The following NPM1 variants were observed in gnomAD, a reference collection of about 807,000 sequenced individuals.
NPM1 encodes nucleophosmin 1, also known as nucleophosmin.
In NPM1, 1 loss-of-function variant was observed where a neutral mutation model predicts 44.1. The observed-to-expected ratio is 0.02, with a 90% CI of 0.01 to 0.11. The LOEUF is 0.11. NPM1 is among the 10% of genes least tolerant of loss of function. NPM1 has a pLI of 1.00. For missense variants in NPM1, 197 were observed against 347.8 expected (o/e 0.57, Z 3.45); for synonymous variants, 126 against 111.8 (o/e 1.13, Z -0.80).
At chr5:171,398,963 G>C (rs1175920701) in intron 6 of NPM1, among the ~76,000 whole-genome samples, 2 of 151,432 alleles carry the variant, frequency 1.3e-5, no homozygotes, top group African/African-American at 4.9e-5. Flanking sequence ...GGTTCCTCCT[G>C]CTTCAGCTTC....
At chr5:171,396,816 G>A (rs1413417444) in intron 6 of NPM1, among the ~76,000 whole-genome samples, 4 of 152,102 alleles carry the variant, frequency 2.6e-5, no homozygotes, top group Admixed American at 2.6e-4. Context: ...CCCCGTCTCT[G>A]CTAACATACA....
chr5:171,387,716 G>T, upstream of NPM1: 3 of 575,686 alleles, frequency 5.2e-6, no homozygotes, highest in South Asian at 6.3e-5. Context: ...AAAGGAGTGG[G>T]GTTGAAAAGC....
chr5:171,407,079 T>C (rs1247368339), intron 9 of NPM1: 1 of 152,826 alleles, frequency 6.5e-6, no homozygotes. Flanking sequence ...AAGGAAATGG[T>C]GAGAGTGATT....
intron 9 of NPM1, 82 bp downstream of exon 9, chr5:171,405,485 G>A (rs1771515050): frequency 4.3e-6 from 3 of 700,960 alleles, no homozygotes; most frequent in East Asian, 2.7e-5. Context: ...AATGTTTCTT[G>A]TTTTTTTGTT....
At position 171,388,005 on chromosome 5, in the gene NPM1, C is replaced by T; in HGVS notation, c.57C>T (p.Phe19=). 7.1e-7 allele frequency: 1 copy of T among 1,401,930 alleles called. No individual in the cohort carries two copies. The highest frequency in any genetic ancestry group is 9.6e-7 in the Non-Finnish European group (1 of 1,046,470). The allele number at this position is 1,401,930 out of a possible 1,614,324, so 86.8% of individuals were successfully genotyped here. A position where few individuals can be genotyped will look rare whatever the true frequency, so the allele number is the denominator to read the frequency against. ...MSPLRPQNYL[F]GCELKADKDY... ...CCCTGAGGCCCCAGAACTATCTTTT[C>T]GGTAACTGCTGGGGGGAGCTGGAGC... The change falls in exon 1 of 11, where the codon TTC becomes TTT. Residue 19 remains phenylalanine (F), a splice_region_variant and synonymous_variant. Coordinates refer to ENST00000296930, the MANE Select transcript of NPM1 (RefSeq NM_002520.7).
rs1355825386 is a variant in NPM1, at chr5:171,404,078, C to T, written c.670-1224C>T. ...CTCCCGGACGGGGCGGCTGGCCGGGCGGGGGGCTGACCCCCCCACCTCCCT... is the reference window on the plus strand; with the variant it reads ...CTCCCGGACGGGGCGGCTGGCCGGGTGGGGGGCTGACCCCCCCACCTCCCT... On this transcript the variant is annotated intron_variant, in intron 8 of 10. Coordinates refer to ENST00000296930, the MANE Select transcript of NPM1 (RefSeq NM_002520.7). Among the ~76,000 whole-genome samples the T allele has an allele frequency of 1.2e-4, 8 of 65,626 alleles. 1 individual carries two copies. In the South Asian group the frequency reaches 2.1e-3, roughly 17 times the overall value. 43.1% of individuals were successfully genotyped at this position (65,626 alleles called of 152,430 possible). A position where few individuals can be genotyped will look rare whatever the true frequency, so the allele number is the denominator to read the frequency against.
Position 171,390,036 on chromosome 5 carries a change from T to G in NPM1, c.59-15T>G. 1 of 1,539,052 alleles carries G rather than the reference T, an allele frequency of 6.5e-7. No homozygotes were observed. Among genetic ancestry groups the G allele is most frequent in the East Asian group, 2.3e-5 (1 of 43,536 alleles). On this transcript the variant is annotated splice_polypyrimidine_tract_variant and intron_variant, in intron 1 of 10. Transcript: ENST00000296930. Reference sequence around the variant, plus strand: ...TTTTTCTCCTTGTTAGAGTTGCTTTTTTCTTCATTTACAGGTTGTGAACTA... The same window carrying G: ...TTTTTCTCCTTGTTAGAGTTGCTTTGTTCTTCATTTACAGGTTGTGAACTA...
intron 6 of NPM1, among the ~76,000 whole-genome samples, chr5:171,394,520 T>C (rs1348809323): frequency 1.3e-5 from 2 of 152,160 alleles, no homozygotes; most frequent in African/African-American, 4.8e-5. Flanking sequence ...CAGACTGGAC[T>C]TGAATCTCTG....
chr5:171,393,221 C>T (rs1465794130), intron 6 of NPM1, among the ~76,000 whole-genome samples: 1 of 152,108 alleles, frequency 6.6e-6, no homozygotes, highest in Non-Finnish European at 1.5e-5. Flanking sequence ...GAAGGGTAGA[C>T]TATAGTGTTT....
At chr5:171,406,719 A>G in intron 9 of NPM1, 1 of 1,173,564 alleles carries the variant, frequency 8.5e-7, no homozygotes, top group Non-Finnish European at 1.1e-6. Flanking sequence ...AAATATTTGA[A>G]TGCATCAATT....
chr5:171,399,713 G>A (rs1443797281), intron 6 of NPM1, among the ~76,000 whole-genome samples: 8 of 151,428 alleles, frequency 5.3e-5, no homozygotes, highest in Non-Finnish European at 1.5e-5. Flanking sequence ...TTCACTCTGA[G>A]TGTACAGTTT....
chr5:171,395,938 T>G lies in NPM1; in HGVS notation c.524+2960T>G, dbSNP rs549234937. Among the ~76,000 whole-genome samples the G allele has an allele frequency of 8.9e-4, 134 of 151,296 alleles. 3 individuals are homozygous for G. In the South Asian group the frequency reaches 0.024, roughly 27 times the overall value. ...GCCCTTAAATGTCTTTTTTAATTTT[T>G]GGGGAATTTCTTAAGTAAAGCTGAA... On this transcript the variant is annotated intron_variant, in intron 6 of 10. Transcript: ENST00000296930.
chr5:171,399,533 G>A (rs964597682), intron 6 of NPM1, among the ~76,000 whole-genome samples: 3 of 152,188 alleles, frequency 2.0e-5, no homozygotes, highest in African/African-American at 7.2e-5. Context: ...CACTGTGCCA[G>A]TTCTTGGGTT....
chr5:171,396,473 A>G (rs1455917024), intron 6 of NPM1, among the ~76,000 whole-genome samples: 5 of 152,242 alleles, frequency 3.3e-5, no homozygotes, highest in African/African-American at 1.2e-4. Flanking sequence ...AGCCACTTGA[A>G]GGGCTATTTG....
chr5:171,391,756 G>C lies in NPM1; in HGVS notation c.309G>C (p.Lys103Asn). The change falls in exon 4 of 11, where the codon AAG becomes AAC. Residue 103 changes from lysine (K) to asparagine (N), a missense_variant. Lys to Asn is a moderately conservative substitution (Grantham distance 94). Transcript: ENST00000296930. Reference protein sequence around the residue: ...EITPPVVLRLKCGSGPVHISG... With the variant: ...EITPPVVLRLNCGSGPVHISG... ...CACCACCAGTGGTCTTAAGGTTGAA[G>C]TGTGGTTCAGGGCCAGTGCATATTA... 6.2e-7 allele frequency: 1 copy of C among 1,611,680 alleles called. No homozygotes were observed. Among genetic ancestry groups the C allele is most frequent in the East Asian group, 2.2e-5 (1 of 44,886 alleles).
At chr5:171,406,904 T>G (rs1438023177) in intron 9 of NPM1, 1 of 176,922 alleles carries the variant, frequency 5.7e-6, no homozygotes. Flanking sequence ...GGAAAGGTAT[T>G]AATTAAATTT....
chr5:171,406,500 C>G (rs879872045), intron 9 of NPM1: 86 of 1,589,942 alleles, frequency 5.4e-5, no homozygotes, highest in Admixed American at 3.1e-4. Context: ...ATCAACAATC[C>G]AGACTGAAGT....
intron 2 of NPM1, among the ~76,000 whole-genome samples, chr5:171,390,727 GTTTTT>G: frequency 6.7e-6 from 1 of 149,294 alleles, no homozygotes; most frequent in Non-Finnish European, 1.5e-5. Flanking sequence ...TACCTTTCCT[GTTTTT>G]TTTTTTCTTT....
chr5:171,397,358 GT>G (rs1770960654), intron 6 of NPM1, among the ~76,000 whole-genome samples: 1 of 152,188 alleles, frequency 6.6e-6, no homozygotes, highest in African/African-American at 2.4e-5. Context: ...TTACTTGGAT[GT>G]ACACCTAAAG....
Sources: gnomAD v4.1 joint callset for allele counts (sites outside exome capture counted in the v4.1 genomes callset) on GRCh38, gnomAD v4.1.1 for gene constraint, MANE v1.5 for transcripts, NCBI Gene and HGNC (gene_info 2026-07-23, HGNC 2026-07-21) for gene names.